The following TDRP variants were observed in gnomAD, a reference collection of about 807,000 sequenced individuals.
TDRP encodes testis development related protein.
A neutral mutation model predicts 10.5 loss-of-function variants in TDRP; 12 were observed. That is an observed-to-expected ratio of 1.15 (90% CI 0.73 to 1.86). TDRP has a LOEUF of 1.86. TDRP is among the 40% of genes most tolerant of loss of function. The pLI, the probability that TDRP is intolerant of heterozygous loss-of-function variation, is 0.00. For missense variants in TDRP, 353 were observed against 229.2 expected, an observed-to-expected ratio of 1.54 and a Z score of -3.49; for synonymous variants, 139 against 95.4, an observed-to-expected ratio of 1.46 and a Z score of -2.67.
intron 1 of TDRP, among the ~76,000 whole-genome samples, chr8:513,278 C>T (rs1164233709): frequency 6.6e-6 from 1 of 151,880 alleles, no homozygotes; most frequent in Non-Finnish European, 1.5e-5. Flanking sequence ...TGCCACCAAA[C>T]TGAATCCAAA....
intron 1 of TDRP, among the ~76,000 whole-genome samples, chr8:535,879 C>T (rs1367360372): frequency 6.6e-6 from 1 of 151,926 alleles, no homozygotes; most frequent in Non-Finnish European, 1.5e-5. Flanking sequence ...GGGGTGGAAC[C>T]CACCAGCCCT....
upstream of TDRP, chr8:544,903 G>A: frequency 2.1e-6 from 1 of 466,144 alleles, no homozygotes; most frequent in Non-Finnish European, 3.4e-6. Context: ...GGCACCCCCA[G>A]AACTAGGCCC....
chr8:533,073 C>G (rs1802249207), intron 1 of TDRP, among the ~76,000 whole-genome samples: 1 of 152,212 alleles, frequency 6.6e-6, no homozygotes. Flanking sequence ...AGGCCTGCCT[C>G]CAGACCACTT....
chr8:510,560 G>C (rs80342991), intron 1 of TDRP, among the ~76,000 whole-genome samples: 198 of 152,208 alleles, frequency 1.3e-3, no homozygotes, highest in African/African-American at 4.4e-3. Context: ...AATGAATGCC[G>C]GAAGGCAGTG....
At position 544,809 on chromosome 8, in the gene TDRP, C is replaced by T. The variant is rs1217585450; in HGVS notation, c.-52G>A. The T allele has an allele frequency of 1.7e-6, 2 of 1,181,740 alleles. No individual in the cohort carries two copies. Among genetic ancestry groups the T allele is most frequent in the Non-Finnish European group, 2.1e-6 (2 of 943,752 alleles). 73.2% of individuals were successfully genotyped at this position (1,181,740 alleles called of 1,614,324 possible). On this transcript the variant is annotated 5_prime_UTR_variant, in exon 1 of 3. Transcript: ENST00000324079. Reference sequence around the variant, plus strand: ...GTCCGTGCGTCGGGCTGTGGCTCCGCGTCCCTCCCGGCCGCCGGACGCTCT... The same window carrying T: ...GTCCGTGCGTCGGGCTGTGGCTCCGTGTCCCTCCCGGCCGCCGGACGCTCT...
chr8:492,859 C>T, intron 2 of TDRP, 115 bp from the exon 3 acceptor site: 1 of 803,658 alleles, frequency 1.2e-6, no homozygotes, highest in Non-Finnish European at 1.9e-6. Context: ...AGAAAACTAA[C>T]ACAAGTCTAT....
At chr8:542,819 T>C (rs948866819) in intron 1 of TDRP, among the ~76,000 whole-genome samples, 5 of 141,120 alleles carry the variant, frequency 3.5e-5, no homozygotes, top group Non-Finnish European at 6.0e-5. Context: ...ATCACGCCAC[T>C]GCACCCCACC....
At chr8:511,525 T>C (rs922246719) in intron 1 of TDRP, among the ~76,000 whole-genome samples, 12 of 152,218 alleles carry the variant, frequency 7.9e-5, no homozygotes, top group South Asian at 2.1e-4. Flanking sequence ...TTCACAGAGA[T>C]TTCACCATGC....
In TDRP at chr8:508,892, T is replaced by C. The variant is rs140433898; in HGVS notation, c.109-14295A>G. On this transcript the variant is annotated intron_variant, in intron 1 of 2. Transcript: ENST00000324079. ...AAAAGCAAGCTAGTTACTTCCTAGA[T>C]ACAATGGAGATACAGACATTGGGTA... 7.2e-5 allele frequency among the ~76,000 whole-genome samples: 11 copies of C among 152,330 alleles called. 1 individual carries two copies. Among genetic ancestry groups the C allele is most frequent in the African/African-American group, 1.2e-4 (5 of 41,580 alleles).
intron 1 of TDRP, among the ~76,000 whole-genome samples, chr8:517,960 G>C (rs1263431864): frequency 1.3e-5 from 2 of 152,196 alleles, no homozygotes; most frequent in Non-Finnish European, 2.9e-5. Flanking sequence ...TCAGGGGAGG[G>C]AGGGATGAAA....
rs1490454286 is a variant in TDRP, at chr8:544,646, T to A, written c.108+4A>T. ...TAGCACTCCCCACCTGCGCACCCCCTCACCTGCGCCTGGGCGGCGGCGGCG... is the reference window on the plus strand; with the variant it reads ...TAGCACTCCCCACCTGCGCACCCCCACACCTGCGCCTGGGCGGCGGCGGCG... On this transcript the variant is annotated splice_donor_region_variant and intron_variant, in intron 1 of 2. Coordinates refer to ENST00000324079, the MANE Select transcript of TDRP (RefSeq NM_001384899.1). 2.4e-6 allele frequency: 3 copies of A among 1,230,346 alleles called. No individual in the cohort carries two copies. The highest frequency in any genetic ancestry group is 3.0e-6 in the Non-Finnish European group (3 of 987,052). The allele number at this position is 1,230,346 out of a possible 1,614,324, so 76.2% of individuals were successfully genotyped here.
intron 1 of TDRP, among the ~76,000 whole-genome samples, chr8:533,142 C>G (rs1461086958): frequency 1.3e-5 from 2 of 152,186 alleles, no homozygotes; most frequent in African/African-American, 4.8e-5. Context: ...CTCAACCACT[C>G]AACAACAAAT....
In TDRP at chr8:517,319, G is replaced by A. The variant is rs1445366854; in HGVS notation, c.109-22722C>T. Among the ~76,000 whole-genome samples the A allele has an allele frequency of 2.0e-4, 30 of 152,170 alleles. 1 individual carries two copies. Among genetic ancestry groups the A allele is most frequent in the Admixed American group, 1.8e-3 (28 of 15,272 alleles). ...CCTGCCCAGCTGTCTCTTGTGGGGA[G>A]AATTTACATTCTATGGGGCATCCCC... On this transcript the variant is annotated intron_variant, in intron 1 of 2. Coordinates refer to ENST00000324079, the MANE Select transcript of TDRP (RefSeq NM_001384899.1).
chr8:517,963 G>C (rs946467690), intron 1 of TDRP, among the ~76,000 whole-genome samples: 15 of 152,132 alleles, frequency 9.9e-5, no homozygotes, highest in African/African-American at 2.7e-4. Context: ...GGGGAGGGAG[G>C]GATGAAAAGG....
rs181345896 is a variant in TDRP at position 528,716 on chromosome 8, C to T, written c.108+15934G>A. 3.6e-3 allele frequency among the ~76,000 whole-genome samples: 545 copies of T among 152,068 alleles called. 5 individuals are homozygous for T. Among genetic ancestry groups the T allele is most frequent in the Non-Finnish European group, 5.6e-3 (378 of 68,004 alleles). ...CGATGTGATTATTATGTATTATATG[C>T]CTGTATCAAAATCTCATGTACCCCT... On this transcript the variant is annotated intron_variant, in intron 1 of 2. Coordinates refer to ENST00000324079, the MANE Select transcript of TDRP (RefSeq NM_001384899.1).
intron 2 of TDRP, 72 bp downstream of exon 2, chr8:494,422 C>A (rs944493748): frequency 2.7e-6 from 4 of 1,472,860 alleles, no homozygotes; most frequent in Admixed American, 1.7e-5. Context: ...GCCATCAAAT[C>A]TTCATTTCCA....
chr8:514,495 G>C (rs559087283), intron 1 of TDRP, among the ~76,000 whole-genome samples: 3 of 152,154 alleles, frequency 2.0e-5, no homozygotes, highest in Non-Finnish European at 4.4e-5. Flanking sequence ...GATGCTGAAC[G>C]CAGACTCTAG....
chr8:543,261 C>G (rs1477385146), intron 1 of TDRP, among the ~76,000 whole-genome samples: 1 of 151,806 alleles, frequency 6.6e-6, no homozygotes, highest in Non-Finnish European at 1.5e-5. Flanking sequence ...CGTAGTGAGC[C>G]GAGATTGCGC....
chr8:497,809 G>A (rs766678340), intron 1 of TDRP, among the ~76,000 whole-genome samples: 36 of 152,156 alleles, frequency 2.4e-4, no homozygotes, highest in African/African-American at 4.8e-5. Flanking sequence ...CTGCTTCACT[G>A]TGCACCTCTG....
Sources: gnomAD v4.1 joint callset for allele counts (sites outside exome capture counted in the v4.1 genomes callset) on GRCh38, gnomAD v4.1.1 for gene constraint, MANE v1.5 for transcripts, NCBI Gene and HGNC (gene_info 2026-07-23, HGNC 2026-07-21) for gene names.